PAX9: variants seen among roughly 807,000 people sequenced by gnomAD.
PAX9 encodes paired box 9.
PAX9 carries 6 observed loss-of-function variants against 29.1 expected under a neutral mutation model. The ratio of observed to expected loss-of-function variants is 0.21; its 90% CI spans 0.11 to 0.41. PAX9 has a LOEUF of 0.41. Ranked by LOEUF, PAX9 falls within the 10% of genes least tolerant of loss-of-function variation. The probability of loss-of-function intolerance (pLI) is 1.00; values close to 1 mark genes in which losing one functional copy is unlikely to be tolerated. For missense variants in PAX9, 443 were observed against 479.1 expected (o/e 0.92, Z 0.70); for synonymous variants, 217 against 211.7 (o/e 1.03, Z -0.22).
intron 2 of PAX9, 71 bp downstream of exon 2, chr14:36,663,594 C>T: frequency 6.3e-7 from 1 of 1,583,538 alleles, no homozygotes; most frequent in Non-Finnish European, 8.6e-7. Context: ...GTCCCAGTAT[C>T]TGCAGCCTCA....
intron 3 of PAX9, among the ~76,000 whole-genome samples, chr14:36,671,545 CT>C (rs1881693191): frequency 6.6e-6 from 1 of 150,450 alleles, no homozygotes; most frequent in Admixed American, 6.6e-5. Flanking sequence ...AGTGTCACAT[CT>C]TTTGCTTTCA....
At chr14:36,659,479 C>T (rs552903905), upstream of PAX9, among the ~76,000 whole-genome samples, 8 of 152,186 alleles carry the variant, frequency 5.3e-5, no homozygotes, top group East Asian at 1.5e-3. Flanking sequence ...TCTCTTGCTC[C>T]CAGAGCGGGG....
chr14:36,659,035 A>G (rs1302352049), upstream of PAX9, among the ~76,000 whole-genome samples: 1 of 152,200 alleles, frequency 6.6e-6, no homozygotes, highest in Non-Finnish European at 1.5e-5. Context: ...ATTTATCCAG[A>G]GAGCGAGTCG....
upstream of PAX9, among the ~76,000 whole-genome samples, chr14:36,661,436 G>T (rs149253330): frequency 1.9e-4 from 29 of 152,292 alleles, no homozygotes; most frequent in African/African-American, 6.5e-4. Flanking sequence ...GTCCCCAGAG[G>T]CCCGCATGAC....
intron 3 of PAX9, among the ~76,000 whole-genome samples, chr14:36,668,050 C>T (rs1403112478): frequency 6.6e-6 from 1 of 152,146 alleles, no homozygotes; most frequent in African/African-American, 2.4e-5. Context: ...CCATATGGCA[C>T]ATAGTAAGCA....
In PAX9 at chr14:36,666,443, C is replaced by G; in HGVS notation, c.632-19C>G. ...GCGGGCTGGGCCTCCGGCCTGACAC[C>G]CTCTCTTCTCTCCATCAGTGAGCGA... On this transcript the variant is annotated intron_variant, in intron 2 of 3. Transcript: ENST00000361487. The G allele has an allele frequency of 6.2e-7, 1 of 1,608,854 alleles. No homozygotes were observed. Among genetic ancestry groups the G allele is most frequent in the East Asian group, 2.2e-5 (1 of 44,592 alleles).
At chr14:36,672,097 A>G (rs1470528684) in intron 3 of PAX9, 1 of 152,298 alleles carries the variant, frequency 6.6e-6, no homozygotes, top group East Asian at 1.9e-4. Context: ...AGTCTTATTT[A>G]TGGAATCTTT....
In PAX9 at chr14:36,663,002, T is replaced by C. The variant is rs776496826; in HGVS notation, c.110T>C (p.Ile37Thr). Residue 37 changes from isoleucine (I) to threonine (T), a missense_variant, in exon 2 of 4, where the codon ATC (isoleucine) becomes ACC (threonine). Around this residue, in one of 2 missense-constraint regions of PAX9, gnomAD observed 107 missense variants for 161.9 expected, o/e 0.66. Coordinates refer to ENST00000361487, the MANE Select transcript of PAX9 (RefSeq NM_001372076.1). ...ATCGTGGAACTGGCCCAACTGGGCA[T>C]CCGACCGTGTGACATCAGCCGCCAG... is the stretch of plus-strand genomic sequence containing the variant. ...LRIVELAQLG[I>T]RPCDISRQLR... 19 of 1,613,702 alleles carry C rather than the reference T, an allele frequency of 1.2e-5. No homozygotes were observed. Among genetic ancestry groups the C allele is most frequent in the Non-Finnish European group, 6.8e-6 (8 of 1,180,028 alleles).
At chr14:36,663,570 G>T in intron 2 of PAX9, 47 bp downstream of exon 2, 3 of 1,608,090 alleles carry the variant, frequency 1.9e-6, no homozygotes, top group Non-Finnish European at 2.5e-6. Flanking sequence ...GTCTGCCCCC[G>T]CACTCTCGCG....
At chr14:36,658,254 C>T (rs2139101385), upstream of PAX9, among the ~76,000 whole-genome samples, 1 of 152,170 alleles carries the variant, frequency 6.6e-6, no homozygotes, top group Admixed American at 6.5e-5. Context: ...TGCCCCCAGA[C>T]GGCTAGAAGT....
At chr14:36,674,973 A>G (rs1401902325) in intron 3 of PAX9, among the ~76,000 whole-genome samples, 1 of 152,242 alleles carries the variant, frequency 6.6e-6, no homozygotes, top group African/African-American at 2.4e-5. Context: ...TAGATGTAGA[A>G]GTGAAAACAA....
At position 36,663,425 on chromosome 14, in the gene PAX9, G is replaced by C. The variant is rs1355919130; in HGVS notation, c.533G>C (p.Gly178Ala). Residue 178 changes from glycine to alanine, a missense_variant, in exon 2 of 4, where the codon GGG becomes GCG. Coordinates refer to ENST00000361487, the MANE Select transcript of PAX9 (RefSeq NM_001372076.1). The part of the protein sequence containing the change: ...AAAAKVPTPP[G>A]VPAIPGSVAM... ...GCCGCCAAGGTGCCCACGCCACCCG[G>C]GGTGCCTGCCATCCCCGGTTCGGTG... 3 of 1,612,878 alleles carry C rather than the reference G, an allele frequency of 1.9e-6. No homozygotes were observed. The African/African-American group carries it at 4.0e-5, about 22-fold the overall frequency.
intron 2 of PAX9, among the ~76,000 whole-genome samples, chr14:36,664,222 A>G (rs997011034): frequency 3.3e-5 from 5 of 152,108 alleles, no homozygotes; most frequent in African/African-American, 1.2e-4. Flanking sequence ...TTCTAACTTA[A>G]CAGACTTCAC....
At chr14:36,670,604 T>C (rs1474164772) in intron 3 of PAX9, among the ~76,000 whole-genome samples, 4 of 152,074 alleles carry the variant, frequency 2.6e-5, no homozygotes, top group African/African-American at 4.8e-5. Flanking sequence ...GACAATGAAA[T>C]CTTAGGCAAA....
chr14:36,674,860 A>T (rs1881825505), intron 3 of PAX9, among the ~76,000 whole-genome samples: 1 of 152,222 alleles, frequency 6.6e-6, no homozygotes, highest in Non-Finnish European at 1.5e-5. Context: ...TCAGAAATGC[A>T]TGAGTAATGT....
chr14:36,661,040 C>A (rs769973998), upstream of PAX9, among the ~76,000 whole-genome samples: 16 of 152,252 alleles, frequency 1.1e-4, no homozygotes, highest in Non-Finnish European at 2.2e-4. Flanking sequence ...AACGCTGCCA[C>A]CGAGGGCCAG....
chr14:36,660,939 A>G (rs560077785), upstream of PAX9, among the ~76,000 whole-genome samples: 1 of 152,258 alleles, frequency 6.6e-6, no homozygotes, highest in Non-Finnish European at 1.5e-5. Context: ...ATCCATGTGC[A>G]GCGTCGGTGT....
rs1009052691 is a variant in PAX9, at chr14:36,666,670, G to A, written c.771+69G>A. 8 of 1,528,834 alleles carry A rather than the reference G, an allele frequency of 5.2e-6. No individual in the cohort carries two copies. The Admixed American group carries it at 9.8e-5, about 19-fold the overall frequency. 94.7% of individuals were successfully genotyped at this position (1,528,834 alleles called of 1,614,324 possible). The stretch of plus-strand genomic sequence containing the variant: ...GGATTTAGGCGATGGAACACTTTGT[G>A]ATGGGTCCCTTTCTGAGCTTCCCGC... On this transcript the variant is annotated intron_variant, in intron 3 of 3. Coordinates refer to ENST00000361487, the MANE Select transcript of PAX9 (RefSeq NM_001372076.1).
upstream of PAX9, chr14:36,657,675 C>G (rs1281201479): frequency 1.3e-5 from 2 of 152,146 alleles, no homozygotes; most frequent in African/African-American, 4.8e-5. Flanking sequence ...GACCGCAGAA[C>G]GCCGGGACGC....
Sources: allele counts gnomAD v4.1 joint callset (sites outside exome capture counted in the v4.1 genomes callset), GRCh38; gene constraint gnomAD v4.1.1; regional missense constraint gnomAD v4.1.1; transcripts MANE v1.5; gene names NCBI Gene and HGNC (gene_info 2026-07-23, HGNC 2026-07-21).